LRRIQ3: variants seen among roughly 807,000 people sequenced by gnomAD.
LRRIQ3 encodes the protein leucine rich repeats and IQ motif containing 3.
LRRIQ3 carries 75 observed loss-of-function variants against 59.3 expected under a neutral mutation model. That is an observed-to-expected ratio of 1.26 (90% CI 1.05 to 1.53). The LOEUF (loss-of-function observed/expected upper bound fraction) is 1.53. LRRIQ3 is among the 40% of genes most tolerant of loss of function. The probability of loss-of-function intolerance (pLI) is 0.00; values close to 1 mark genes in which losing one functional copy is unlikely to be tolerated. For synonymous variants in LRRIQ3, 250 were observed against 231.3 expected (o/e 1.08, Z -0.73); for missense variants, 831 against 710.0 (o/e 1.17, Z -1.94).
At chr1:74,085,323 CAAAAAA>C (rs61216155) in intron 5 of LRRIQ3, among the ~76,000 whole-genome samples, 1 of 121,612 alleles carries the variant, frequency 8.2e-6, no homozygotes. Context: ...TACATGGTGG[CAAAAAA>C]AAAAAAAAAA....
chr1:74,146,497 G>A (rs892093011), intron 4 of LRRIQ3, among the ~76,000 whole-genome samples: 3 of 152,048 alleles, frequency 2.0e-5, no homozygotes, highest in African/African-American at 4.8e-5. Context: ...TGAACTGATC[G>A]ATAAAAATTA....
At chr1:74,111,367 G>GA (rs1197479506) in intron 4 of LRRIQ3, among the ~76,000 whole-genome samples, 3 of 151,794 alleles carry the variant, frequency 2.0e-5, no homozygotes, top group African/African-American at 4.8e-5. Flanking sequence ...GGGCATCACA[G>GA]AAAAAAAATT....
chr1:74,106,231 T>G (rs1646610504), intron 5 of LRRIQ3, among the ~76,000 whole-genome samples: 1 of 152,016 alleles, frequency 6.6e-6, no homozygotes, highest in Non-Finnish European at 1.5e-5. Context: ...ATAGACTGAT[T>G]CTTTTCTTTC....
At chr1:74,038,033 G>A (rs1653925192) in intron 7 of LRRIQ3, among the ~76,000 whole-genome samples, 1 of 152,188 alleles carries the variant, frequency 6.6e-6, no homozygotes, top group African/African-American at 2.4e-5. Context: ...AGCCAACACT[G>A]AGACTGATAG....
intron 3 of LRRIQ3, among the ~76,000 whole-genome samples, chr1:74,164,721 G>A (rs1648870948): frequency 6.6e-6 from 1 of 151,310 alleles, no homozygotes; most frequent in Non-Finnish European, 1.5e-5. Context: ...TTTGATGTCA[G>A]GTCTAAGAAT....
intron 5 of LRRIQ3, among the ~76,000 whole-genome samples, chr1:74,096,243 A>G (rs1055518144): frequency 6.6e-6 from 1 of 152,094 alleles, no homozygotes; most frequent in Non-Finnish European, 1.5e-5. Context: ...ACTCCATGAT[A>G]CAGTAATGGG....
intron 5 of LRRIQ3, among the ~76,000 whole-genome samples, chr1:74,094,826 T>G (rs1646432081): frequency 6.6e-6 from 1 of 152,072 alleles, no homozygotes. Flanking sequence ...TGACATAAGC[T>G]TTTAGGTTTG....
chr1:74,086,030 A>T (rs1646324701), intron 5 of LRRIQ3, among the ~76,000 whole-genome samples: 2 of 151,872 alleles, frequency 1.3e-5, no homozygotes, highest in Non-Finnish European at 2.9e-5. Flanking sequence ...ACAAACAGAG[A>T]CCCCACTCTC....
At chr1:74,174,933 C>T (rs1649547526) in intron 3 of LRRIQ3, among the ~76,000 whole-genome samples, 1 of 152,094 alleles carries the variant, frequency 6.6e-6, no homozygotes, top group South Asian at 2.1e-4. Context: ...CTTTAGTTTC[C>T]TTTGATGGTA....
chr1:74,056,906 T>C (rs1001960407), intron 6 of LRRIQ3, among the ~76,000 whole-genome samples: 4 of 152,122 alleles, frequency 2.6e-5, no homozygotes, highest in Non-Finnish European at 5.9e-5. Context: ...GTTCTCATGA[T>C]AATGAGGAAG....
chr1:74,137,877 T>C (rs995540501), intron 4 of LRRIQ3, among the ~76,000 whole-genome samples: 1 of 151,300 alleles, frequency 6.6e-6, no homozygotes, highest in Non-Finnish European at 1.5e-5. Context: ...CTCACTCATA[T>C]GTTGGAGTTG....
chr1:74,149,603 T>C (rs1280300062), intron 4 of LRRIQ3, among the ~76,000 whole-genome samples: 1 of 152,166 alleles, frequency 6.6e-6, no homozygotes, highest in South Asian at 2.1e-4. Context: ...TTCTTAAATA[T>C]ATTAATTTTT....
In LRRIQ3 at chr1:74,194,616, A is replaced by G. The variant is rs138568522; in HGVS notation, c.-1+3380T>C. 3.6e-3 allele frequency among the ~76,000 whole-genome samples: 545 copies of G among 152,310 alleles called. 5 individuals are homozygous for G. The highest frequency in any genetic ancestry group is 0.012 in the African/African-American group (500 of 41,570). ...ATTCCAACTTGGAGACTGCAAAAGC[A>G]TAAGCCTGAAAAAACTAAAAGGTGG... is the stretch of plus-strand genomic sequence containing the variant. On this transcript the variant is annotated intron_variant, in intron 1 of 7. Coordinates refer to ENST00000354431, the MANE Select transcript of LRRIQ3 (RefSeq NM_001105659.2).
chr1:74,054,718 T>C (rs1281438894), intron 6 of LRRIQ3, among the ~76,000 whole-genome samples: 1 of 142,850 alleles, frequency 7.0e-6, no homozygotes, highest in Admixed American at 7.4e-5. Flanking sequence ...GTTTATTAAT[T>C]ACAAAAAGGA....
rs182239987 is a variant in LRRIQ3 at position 74,030,763 on chromosome 1, G to T, written c.1719-3794C>A. ...AACAAAAGCCGAAATTGACAAATGG[G>T]GTCTAATTAAACTAAAGAGCTTCTG... On this transcript the variant is annotated intron_variant, in intron 7 of 7. Coordinates refer to ENST00000354431, the MANE Select transcript of LRRIQ3 (RefSeq NM_001105659.2). Among the ~76,000 whole-genome samples the T allele has an allele frequency of 1.2e-3, 183 of 152,164 alleles. 1 individual carries two copies. The highest frequency in any genetic ancestry group is 7.1e-4 in the Non-Finnish European group (48 of 68,002).
chr1:74,080,083 G>T (rs1010097653), intron 5 of LRRIQ3, among the ~76,000 whole-genome samples: 2 of 151,568 alleles, frequency 1.3e-5, no homozygotes, highest in African/African-American at 4.8e-5. Context: ...CACACAAAAA[G>T]CATAAACATA....
chr1:74,028,114 T>C (rs1370674175), intron 7 of LRRIQ3, among the ~76,000 whole-genome samples: 3 of 152,064 alleles, frequency 2.0e-5, no homozygotes, highest in Non-Finnish European at 4.4e-5. Flanking sequence ...CAGCTTGGAA[T>C]GCTCCAAGAA....
intron 5 of LRRIQ3, among the ~76,000 whole-genome samples, chr1:74,081,648 A>G (rs1031401298): frequency 1.3e-5 from 2 of 151,636 alleles, no homozygotes; most frequent in Non-Finnish European, 3.0e-5. Flanking sequence ...TTTTCATTTT[A>G]TTTGAAAATC....
intron 4 of LRRIQ3, among the ~76,000 whole-genome samples, chr1:74,131,883 C>A (rs915460707): frequency 6.6e-6 from 1 of 152,042 alleles, no homozygotes; most frequent in Non-Finnish European, 1.5e-5. Flanking sequence ...CCAAAGCAAT[C>A]GGGCAGGAGA....
Sources: gnomAD v4.1 joint callset for allele counts (sites outside exome capture counted in the v4.1 genomes callset) on GRCh38, gnomAD v4.1.1 for gene constraint, MANE v1.5 for transcripts, NCBI Gene and HGNC (gene_info 2026-07-23, HGNC 2026-07-21) for gene names.